The following PXT1 variants were observed in gnomAD, a reference collection of about 807,000 sequenced individuals.
PXT1 encodes peroxisomal testis-specific protein 1.
In PXT1, 11 loss-of-function variants were observed where a neutral mutation model predicts 11.0. That is an observed-to-expected ratio of 1.00 (90% CI 0.63 to 1.66). The LOEUF (loss-of-function observed/expected upper bound fraction) is 1.66, where lower values mean the gene tolerates loss of function less well. PXT1 is among the 40% of genes most tolerant of loss of function. The probability of loss-of-function intolerance (pLI) is 0.00; values close to 1 mark genes in which losing one functional copy is unlikely to be tolerated. For missense variants in PXT1, 141 were observed against 155.5 expected (o/e 0.91, Z 0.49); for synonymous variants, 43 against 51.4 (o/e 0.84, Z 0.70).
chr6:36,396,972 A>G lies in PXT1; in HGVS notation c.300+3482T>C, dbSNP rs141613737. Among the ~76,000 whole-genome samples, 623 of 134,572 alleles carry G rather than the reference A, an allele frequency of 4.6e-3. 3 individuals are homozygous for G. Among genetic ancestry groups the G allele is most frequent in the Middle Eastern group, 0.035 (9 of 256 alleles). 88.3% of individuals were successfully genotyped at this position (134,572 alleles called of 152,430 possible). A position where few individuals can be genotyped will look rare whatever the true frequency, so the allele number is the denominator to read the frequency against. The stretch of plus-strand genomic sequence containing the variant: ...TGCAGACATTGGGACGACTAGTTGC[A>G]AAGAGGAGCTACTCTCTCCAGGGCC... On this transcript the variant is annotated intron_variant, in intron 4 of 4. Coordinates refer to ENST00000454782, the MANE Select transcript of PXT1 (RefSeq NM_152990.4).
At chr6:36,403,152 C>T (rs898477009) in intron 3 of PXT1, among the ~76,000 whole-genome samples, 2 of 152,122 alleles carry the variant, frequency 1.3e-5, no homozygotes, top group Non-Finnish European at 1.5e-5. Context: ...AGCCACTGCA[C>T]CTGGCCAGTA....
intron 2 of PXT1, among the ~76,000 whole-genome samples, chr6:36,438,076 TC>T (rs1214992137): frequency 6.6e-6 from 1 of 152,098 alleles, no homozygotes; most frequent in East Asian, 1.9e-4. Flanking sequence ...TGCCTCGGCC[TC>T]CCAAAGTGCT....
intron 4 of PXT1, among the ~76,000 whole-genome samples, chr6:36,392,200 A>T (rs1466341439): frequency 1.3e-5 from 2 of 152,158 alleles, no homozygotes; most frequent in African/African-American, 2.4e-5. Context: ...GCTAATTTTT[A>T]AAAATATTTT....
At chr6:36,423,669 G>A (rs1457944575) in intron 3 of PXT1, among the ~76,000 whole-genome samples, 3 of 152,168 alleles carry the variant, frequency 2.0e-5, no homozygotes, top group Middle Eastern at 3.4e-3. Flanking sequence ...CCCTCATTCC[G>A]CACATCCCTC....
At chr6:36,427,562 T>G (rs1427472337) in intron 2 of PXT1, among the ~76,000 whole-genome samples, 1 of 152,176 alleles carries the variant, frequency 6.6e-6, no homozygotes, top group Non-Finnish European at 1.5e-5. Flanking sequence ...GTAGCTACAT[T>G]TAATAAGTAA....
At chr6:36,411,366 G>A (rs924068052) in intron 3 of PXT1, among the ~76,000 whole-genome samples, 5 of 152,026 alleles carry the variant, frequency 3.3e-5, no homozygotes, top group African/African-American at 4.8e-5. Flanking sequence ...CAGGAGAATC[G>A]CTTGAACCCA....
chr6:36,421,237 C>T (rs1774521488), intron 3 of PXT1, among the ~76,000 whole-genome samples: 2 of 151,990 alleles, frequency 1.3e-5, no homozygotes, highest in Admixed American at 6.6e-5. Context: ...AAGGACAAGG[C>T]AGGATCATTG....
At position 36,406,845 on chromosome 6, in the gene PXT1, C is replaced by T. The variant is rs142262901; in HGVS notation, c.170-6261G>A. Reference sequence around the variant, plus strand: ...AAAAAAAGACTCAAGAAAGACTGGGCCCCAGCGCCAGCCTGCCTCAGAGCC... The same window carrying T: ...AAAAAAAGACTCAAGAAAGACTGGGTCCCAGCGCCAGCCTGCCTCAGAGCC... On this transcript the variant is annotated intron_variant, in intron 3 of 4. Transcript: ENST00000454782. Among the ~76,000 whole-genome samples, 510 of 151,852 alleles carry T rather than the reference C, an allele frequency of 3.4e-3. 1 individual carries two copies. The highest frequency in any genetic ancestry group is 0.012 in the African/African-American group (484 of 41,448).
chr6:36,403,010 C>T (rs1429062697), intron 3 of PXT1, among the ~76,000 whole-genome samples: 2 of 151,664 alleles, frequency 1.3e-5, no homozygotes, highest in South Asian at 4.2e-4. Context: ...TATCTCAGCA[C>T]CACCACGCCC....
Position 36,402,954 on chromosome 6 carries a change from T to TC in PXT1, c.170-2371_170-2370insG, listed in dbSNP as rs202027760. ...TTTTTCTTTTCTTTCTTTCTTTCTTTTTTTTTTTTTTGACACAGTTTCACT... is the reference window on the plus strand; with the variant it reads ...TTTTTCTTTTCTTTCTTTCTTTCTTTCTTTTTTTTTTTGACACAGTTTCACT... On this transcript the variant is annotated intron_variant, in intron 3 of 4. Transcript: ENST00000454782. 8.7e-3 allele frequency among the ~76,000 whole-genome samples: 456 copies of TC among 52,136 alleles called. 1 individual carries two copies. The highest frequency in any genetic ancestry group is 0.024 in the African/African-American group (428 of 17,790). The allele number at this position is 52,136 out of a possible 152,430, so 34.2% of individuals were successfully genotyped here. A position where few individuals can be genotyped will look rare whatever the true frequency, so the allele number is the denominator to read the frequency against.
chr6:36,400,926 C>T (rs1196597448), intron 3 of PXT1, among the ~76,000 whole-genome samples: 1 of 151,722 alleles, frequency 6.6e-6, no homozygotes, highest in African/African-American at 2.4e-5. Flanking sequence ...GCCAAGATTG[C>T]ACCATTGCAC....
At chr6:36,401,495 G>C (rs1340074668) in intron 3 of PXT1, among the ~76,000 whole-genome samples, 1 of 151,786 alleles carries the variant, frequency 6.6e-6, no homozygotes, top group Admixed American at 6.6e-5. Context: ...CACACCTGTA[G>C]TCCCACCTAC....
At chr6:36,432,150 G>A (rs965364949) in intron 2 of PXT1, among the ~76,000 whole-genome samples, 1 of 152,142 alleles carries the variant, frequency 6.6e-6, no homozygotes, top group Non-Finnish European at 1.5e-5. Context: ...ACCTAACCTA[G>A]TCTAGATGGT....
At chr6:36,425,848 G>T in intron 3 of PXT1, 66 bp downstream of exon 3, 1 of 945,278 alleles carries the variant, frequency 1.1e-6, no homozygotes, top group South Asian at 1.6e-5. Context: ...CAATTTTATG[G>T]TCTTAATAGC....
chr6:36,392,020 T>C, intron 4 of PXT1, 146 bp from the exon 5 acceptor site: 2 of 611,046 alleles, frequency 3.3e-6, no homozygotes, highest in Admixed American at 5.9e-5. Flanking sequence ...TTATGAATTG[T>C]ATGAGCTGAA....
At chr6:36,416,017 G>A (rs1199243355) in intron 3 of PXT1, among the ~76,000 whole-genome samples, 2 of 151,984 alleles carry the variant, frequency 1.3e-5, no homozygotes, top group African/African-American at 4.8e-5. Context: ...ATCCTGAAGT[G>A]TTTGAAATTA....
intron 3 of PXT1, among the ~76,000 whole-genome samples, chr6:36,421,707 C>T (rs963563874): frequency 1.3e-5 from 2 of 152,168 alleles, no homozygotes; most frequent in African/African-American, 4.8e-5. Flanking sequence ...TGGGCTCAAG[C>T]AATCCTCCCA....
intron 3 of PXT1, among the ~76,000 whole-genome samples, chr6:36,410,891 G>A (rs554591742): frequency 6.6e-6 from 1 of 152,200 alleles, no homozygotes; most frequent in Non-Finnish European, 1.5e-5. Flanking sequence ...AAGCCAGAAA[G>A]CTTGGATTCA....
intron 3 of PXT1, among the ~76,000 whole-genome samples, chr6:36,409,358 G>A (rs1264283508): frequency 6.6e-6 from 1 of 152,158 alleles, no homozygotes; most frequent in Non-Finnish European, 1.5e-5. Flanking sequence ...AGAAAGCACA[G>A]AGAACCCACC....
Sources: gnomAD v4.1 joint callset for allele counts (sites outside exome capture counted in the v4.1 genomes callset) on GRCh38, gnomAD v4.1.1 for gene constraint, MANE v1.5 for transcripts, NCBI Gene and HGNC (gene_info 2026-07-23, HGNC 2026-07-21) for gene names.